RBFOX3: variants seen among roughly 807,000 people sequenced by gnomAD.
The protein encoded by RBFOX3 is RNA binding fox-1 homolog 3.
RBFOX3 carries 17 observed loss-of-function variants against 48.7 expected under a neutral mutation model. That is an observed-to-expected ratio of 0.35 (90% CI 0.24 to 0.52). RBFOX3 has a LOEUF of 0.52. Ranked by LOEUF, RBFOX3 falls within the 20% of genes least tolerant of loss-of-function variation. The pLI is 0.94. For synonymous variants in RBFOX3, 212 were observed against 209.5 expected (o/e 1.01, Z -0.10); for missense variants, 382 against 497.5 (o/e 0.77, Z 2.21).
chr17:79,601,669 G>C (rs1028913853), intron 1 of RBFOX3: 13 of 152,130 alleles, frequency 8.5e-5, no homozygotes, highest in Non-Finnish European at 1.6e-4. Context: ...TATCCGGAAG[G>C]GGGAGAAATT....
At chr17:79,614,588 G>C (rs2093987097), upstream of RBFOX3, among the ~76,000 whole-genome samples, 2 of 152,216 alleles carry the variant, frequency 1.3e-5, no homozygotes, top group Non-Finnish European at 2.9e-5. Context: ...CGAGGAAACA[G>C]ATATTAGGCA....
intron 4 of RBFOX3, among the ~76,000 whole-genome samples, chr17:79,226,001 G>A (rs938006727): frequency 6.6e-6 from 1 of 152,212 alleles, no homozygotes; most frequent in East Asian, 1.9e-4. Context: ...GTCAGAGTAA[G>A]TGTAATTGAT....
chr17:79,374,269 C>CT (rs1261505124), intron 2 of RBFOX3, among the ~76,000 whole-genome samples: 3 of 152,138 alleles, frequency 2.0e-5, no homozygotes, highest in African/African-American at 7.2e-5. Flanking sequence ...GAAGTAAAGA[C>CT]GAGAAGCCGC....
chr17:79,399,787 CA>C (rs1236042792), intron 2 of RBFOX3, among the ~76,000 whole-genome samples: 1 of 152,244 alleles, frequency 6.6e-6, no homozygotes, highest in African/African-American at 2.4e-5. Context: ...GCAGACACCA[CA>C]GACCCTCGGG....
At chr17:79,147,971 CA>C (rs996844150) in intron 4 of RBFOX3, among the ~76,000 whole-genome samples, 4 of 152,240 alleles carry the variant, frequency 2.6e-5, no homozygotes, top group African/African-American at 9.6e-5. Flanking sequence ...TTTCATTACC[CA>C]AAATGCTGCA....
chr17:79,520,120 C>T (rs1436729292), intron 1 of RBFOX3, among the ~76,000 whole-genome samples: 1 of 152,244 alleles, frequency 6.6e-6, no homozygotes, highest in Non-Finnish European at 1.5e-5. Context: ...AGTCATGCAG[C>T]TCCATGGGTG....
In RBFOX3 at chr17:79,243,909, G is replaced by A. The variant is rs772334267; in HGVS notation, c.-73-8104C>T. The stretch of plus-strand genomic sequence containing the variant: ...TGCAGAAATGGCCTGCGGTCCCAGA[G>A]GTAGGGGGCAGGTGGGAGGCCCAGT... On this transcript the variant is annotated intron_variant, in intron 3 of 14. Coordinates refer to ENST00000693108, the MANE Select transcript of RBFOX3 (RefSeq NM_001350451.2). This position sits in a 1 kb window ranked among gnomAD's most constrained non-coding sequence, Gnocchi z 7.9. Among the ~76,000 whole-genome samples, 12 of 152,240 alleles carry A rather than the reference G, an allele frequency of 7.9e-5. No individual in the cohort carries two copies. The East Asian group carries it at 1.4e-3, about 17-fold the overall frequency.
chr17:79,485,148 C>T (rs1293797676), intron 1 of RBFOX3, among the ~76,000 whole-genome samples: 4 of 152,130 alleles, frequency 2.6e-5, no homozygotes, highest in Non-Finnish European at 4.4e-5. Flanking sequence ...TGGGGAGAGG[C>T]GGGCTGTCTG....
At chr17:79,307,312 G>A (rs192848942) in intron 3 of RBFOX3, among the ~76,000 whole-genome samples, 85 of 152,228 alleles carry the variant, frequency 5.6e-4, no homozygotes, top group Non-Finnish European at 8.1e-4. Flanking sequence ...GCCCCGGTGG[G>A]AGCCACCCAG....
intron 2 of RBFOX3, among the ~76,000 whole-genome samples, chr17:79,324,875 T>G (rs1018709426): frequency 6.6e-6 from 1 of 152,186 alleles, no homozygotes; most frequent in African/African-American, 2.4e-5. Context: ...TGAAGAGCCA[T>G]GAAATATTGC....
chr17:79,444,487 G>A (rs781987031), intron 2 of RBFOX3, among the ~76,000 whole-genome samples: 12 of 152,132 alleles, frequency 7.9e-5, no homozygotes, highest in East Asian at 3.9e-4. Flanking sequence ...CACATAGGCC[G>A]GTGCCTCTGA....
intron 2 of RBFOX3, among the ~76,000 whole-genome samples, chr17:79,406,832 A>T (rs1268511139): frequency 1.3e-5 from 2 of 152,162 alleles, no homozygotes; most frequent in Non-Finnish European, 2.9e-5. Context: ...AGCAGCCAGG[A>T]CCTGGGGGGA....
the RBFOX3 span, among the ~76,000 whole-genome samples, chr17:79,636,775 A>G: frequency 6.6e-6 from 1 of 152,176 alleles, no homozygotes; most frequent in Non-Finnish European, 1.5e-5. Flanking sequence ...ACAATCAGAA[A>G]ACAAATTAAT....
At chr17:79,574,184 G>A (rs1209183157) in intron 1 of RBFOX3, among the ~76,000 whole-genome samples, 1 of 152,342 alleles carries the variant, frequency 6.6e-6, no homozygotes, top group East Asian at 1.9e-4. Context: ...GTCAAAGGGA[G>A]GAGGGAATAT....
At chr17:79,489,209 AC>A (rs1394934139) in intron 1 of RBFOX3, among the ~76,000 whole-genome samples, 25 of 149,030 alleles carry the variant, frequency 1.7e-4, no homozygotes, top group Admixed American at 1.6e-3. Context: ...AGAGAGCGGA[AC>A]ATTTTAGCCT....
chr17:79,341,237 C>A (rs993527569), intron 2 of RBFOX3, among the ~76,000 whole-genome samples: 2 of 152,156 alleles, frequency 1.3e-5, no homozygotes, highest in East Asian at 1.9e-4. Flanking sequence ...CAGGGGTACA[C>A]AGGTGTGTGT....
chr17:79,509,443 C>T (rs1439573683), intron 1 of RBFOX3, among the ~76,000 whole-genome samples: 3 of 152,182 alleles, frequency 2.0e-5, no homozygotes, highest in African/African-American at 7.2e-5. Flanking sequence ...TGTGACCTCA[C>T]CTGCAGGTCC....
chr17:79,579,722 T>C (rs1325750738), intron 1 of RBFOX3, among the ~76,000 whole-genome samples: 1 of 142,158 alleles, frequency 7.0e-6, no homozygotes, highest in African/African-American at 2.7e-5. Context: ...TGGTGGGGAG[T>C]CACTGGCGCC....
At chr17:79,373,921 C>T (rs8064403) in intron 2 of RBFOX3, among the ~76,000 whole-genome samples, 452 of 152,176 alleles carry the variant, frequency 3.0e-3, no homozygotes, top group African/African-American at 0.011. Flanking sequence ...TGCAGTGGCG[C>T]GATCTCGGCT....
Sources: allele counts gnomAD v4.1 joint callset (sites outside exome capture counted in the v4.1 genomes callset), GRCh38; gene constraint gnomAD v4.1.1; non-coding constraint Gnocchi (gnomAD v3.1); transcripts MANE v1.5; gene names NCBI Gene and HGNC (gene_info 2026-07-23, HGNC 2026-07-21).